Variants in STON2 observed in about 807,000 individuals in gnomAD.
The protein encoded by STON2 is stonin-2.
In STON2, 29 loss-of-function variants were observed where a neutral mutation model predicts 65.7. The observed-to-expected ratio is 0.44, with a 90% confidence interval of 0.33 to 0.60. The LOEUF is 0.60. STON2 is among the 20% of genes least tolerant of loss of function. STON2 has a pLI of 0.03. For missense variants in STON2, 1,054 were observed against 1,118.1 expected (o/e 0.94, Z 0.82); for synonymous variants, 404 against 414.2 (o/e 0.98, Z 0.30).
chr14:81,299,628 A>T (rs1895894675), intron 5 of STON2, among the ~76,000 whole-genome samples: 1 of 152,232 alleles, frequency 6.6e-6, no homozygotes, highest in Non-Finnish European at 1.5e-5. Flanking sequence ...AACTGAATAC[A>T]GCAAGTCCTC....
At chr14:81,341,896 A>G (rs2140294774) in intron 4 of STON2, among the ~76,000 whole-genome samples, 1 of 152,274 alleles carries the variant, frequency 6.6e-6, no homozygotes, top group South Asian at 2.1e-4. Flanking sequence ...TTTATACCCA[A>G]CAAGGGTCAC....
At chr14:81,407,316 T>G (rs1900919054) in intron 2 of STON2, among the ~76,000 whole-genome samples, 1 of 152,192 alleles carries the variant, frequency 6.6e-6, no homozygotes, top group Admixed American at 6.5e-5. Context: ...TAATTGGAAA[T>G]TTTACAGAAA....
Position 81,413,357 on chromosome 14 carries a change from C to T in STON2, c.-199+13745G>A. Reference sequence around the variant, plus strand: ...CTAAGGGAACACCTCGATGTTCGAACCTTTATTGTGTTTTATACAGGGCAT... The same window carrying T: ...CTAAGGGAACACCTCGATGTTCGAATCTTTATTGTGTTTTATACAGGGCAT... On this transcript the variant is annotated intron_variant, in intron 2 of 8. Coordinates refer to the STON2 transcript ENST00000553821. The T allele has an allele frequency of 2.5e-6, 2 of 793,950 alleles. 1 individual carries two copies. The highest frequency in any genetic ancestry group is 4.3e-5 in the African/African-American group (2 of 46,696). 49.2% of individuals were successfully genotyped at this position (793,950 alleles called of 1,614,324 possible).
chr14:81,325,430 G>GT (rs796849785), intron 4 of STON2, among the ~76,000 whole-genome samples: 254 of 122,796 alleles, frequency 2.1e-3, no homozygotes, highest in African/African-American at 6.1e-3. Flanking sequence ...GAGATGTGTT[G>GT]TTTTTTTCTC....
Position 81,267,956 on chromosome 14 carries a change from G to A in STON2, c.*458C>T. Reference sequence around the variant, plus strand: ...ACCTTTTCTGAACCTTTTCTAGACAGAGTGAAAGAGATGGATTCTTAATTA... The same window carrying A: ...ACCTTTTCTGAACCTTTTCTAGACAAAGTGAAAGAGATGGATTCTTAATTA... On this transcript the variant is annotated 3_prime_UTR_variant, in exon 8 of 8. Transcript: ENST00000614646. 1.0e-6 allele frequency: 1 copy of A among 986,626 alleles called. No homozygotes were observed. Among genetic ancestry groups the A allele is most frequent in the Non-Finnish European group, 1.2e-6 (1 of 830,816 alleles). 61.1% of individuals were successfully genotyped at this position (986,626 alleles called of 1,614,324 possible). A position where few individuals can be genotyped will look rare whatever the true frequency, so the allele number is the denominator to read the frequency against.
Position 81,313,713 on chromosome 14 carries a change from T to C in STON2, c.742+10304A>G, listed in dbSNP as rs1466469976. Reference sequence around the variant, plus strand: ...AGGGGGTTGAGGCAGGAGAATCGCTTGAACCCGGGAGGCAGATGTTGCAGT... The same window carrying C: ...AGGGGGTTGAGGCAGGAGAATCGCTCGAACCCGGGAGGCAGATGTTGCAGT... On this transcript the variant is annotated intron_variant, in intron 5 of 7. Transcript: ENST00000614646. Among the ~76,000 whole-genome samples, 8 of 151,012 alleles carry C rather than the reference T, an allele frequency of 5.3e-5. No homozygotes were observed. The East Asian group carries it at 1.6e-3, about 29-fold the overall frequency.
intron 5 of STON2, among the ~76,000 whole-genome samples, chr14:81,295,366 T>C (rs1165891069): frequency 6.6e-6 from 1 of 152,064 alleles, no homozygotes; most frequent in Non-Finnish European, 1.5e-5. Flanking sequence ...ATTATAAATA[T>C]GGAGAAAGCA....
At chr14:81,383,028 C>T (rs576660693) in intron 3 of STON2, among the ~76,000 whole-genome samples, 2 of 152,326 alleles carry the variant, frequency 1.3e-5, no homozygotes, top group Non-Finnish European at 2.9e-5. Flanking sequence ...GGGCTTGGAG[C>T]TGACTCTGCT....
chr14:81,280,505 T>C (rs1895061813), intron 5 of STON2, among the ~76,000 whole-genome samples: 1 of 152,144 alleles, frequency 6.6e-6, no homozygotes. Flanking sequence ...TGGCCAGTTG[T>C]TTGGAATCAA....
Position 81,266,870 on chromosome 14 carries a change from G to T in STON2, c.*1544C>A. 1.0e-6 allele frequency: 1 copy of T among 979,150 alleles called. No homozygotes were observed. Among genetic ancestry groups the T allele is most frequent in the Non-Finnish European group, 1.2e-6 (1 of 824,484 alleles). 60.7% of individuals were successfully genotyped at this position (979,150 alleles called of 1,614,324 possible). On this transcript the variant is annotated 3_prime_UTR_variant, in exon 8 of 8. Coordinates refer to ENST00000614646, the MANE Select transcript of STON2 (RefSeq NM_001394390.1). ...CACACACTCCACTCTGTACTTAGAG[G>T]GTTGCATTTTAAAAACCCAGAATAT... is the stretch of plus-strand genomic sequence containing the variant.
At chr14:81,403,137 CTG>C (rs1900687183), upstream of STON2, among the ~76,000 whole-genome samples, 1 of 152,192 alleles carries the variant, frequency 6.6e-6, no homozygotes, top group Non-Finnish European at 1.5e-5. Flanking sequence ...ATTTGAAAGA[CTG>C]TGTTTTTTAA....
At chr14:81,357,476 G>A (rs911709867) in intron 4 of STON2, among the ~76,000 whole-genome samples, 3 of 150,928 alleles carry the variant, frequency 2.0e-5, no homozygotes, top group Non-Finnish European at 4.4e-5. Context: ...TTCAACCATT[G>A]TGGAAGTCAG....
In STON2 at chr14:81,423,733, G is replaced by T. The variant is rs1001079426; in HGVS notation, c.-199+3369C>A. 1.8e-4 allele frequency among the ~76,000 whole-genome samples: 28 copies of T among 152,126 alleles called. 1 individual carries two copies. Among genetic ancestry groups the T allele is most frequent in the Admixed American group, 1.6e-3 (24 of 15,264 alleles). On this transcript the variant is annotated intron_variant, in intron 2 of 8. Coordinates refer to the STON2 transcript ENST00000553821. ...TGGCCTCATGGGGCAGCTGCACAGG[G>T]GCCCCTGGCTGATCATGATGTTATC...
chr14:81,427,283 C>T (rs974998175), intron 1 of STON2: 2 of 152,230 alleles, frequency 1.3e-5, no homozygotes, highest in Non-Finnish European at 2.9e-5. Flanking sequence ...CAGGACCCAC[C>T]TCTGCAAAGT....
At chr14:81,387,073 A>G (rs969561618) in intron 3 of STON2, among the ~76,000 whole-genome samples, 11 of 152,184 alleles carry the variant, frequency 7.2e-5, no homozygotes, top group African/African-American at 2.4e-4. Context: ...CTCAACGTGA[A>G]TAAGACATGA....
At chr14:81,347,666 T>C (rs1173773996) in intron 4 of STON2, among the ~76,000 whole-genome samples, 4 of 112,246 alleles carry the variant, frequency 3.6e-5, no homozygotes, top group East Asian at 2.6e-4. Flanking sequence ...CTGATGAACA[T>C]AGATGCAAAG....
chr14:81,428,146 G>C (rs1902074364), intron 1 of STON2, among the ~76,000 whole-genome samples: 1 of 152,188 alleles, frequency 6.6e-6, no homozygotes, highest in Admixed American at 6.5e-5. Context: ...GATAGCTATT[G>C]ATAGTGTTTT....
At chr14:81,392,667 A>G (rs1900135813) in intron 3 of STON2, among the ~76,000 whole-genome samples, 1 of 152,188 alleles carries the variant, frequency 6.6e-6, no homozygotes, top group South Asian at 2.1e-4. Flanking sequence ...TTTAATTTTT[A>G]AACTGAATTC....
At chr14:81,359,132 T>C (rs889116874) in intron 4 of STON2, among the ~76,000 whole-genome samples, 2 of 152,216 alleles carry the variant, frequency 1.3e-5, no homozygotes, top group East Asian at 1.9e-4. Context: ...ATAGATCATA[T>C]GTTGGGTCAC....
Sources: gnomAD v4.1 joint callset for allele counts (sites outside exome capture counted in the v4.1 genomes callset) on GRCh38, gnomAD v4.1.1 for gene constraint, MANE v1.5 for transcripts, NCBI Gene and HGNC (gene_info 2026-07-23, HGNC 2026-07-21) for gene names.